Variants in PCDH15 observed in about 807,000 individuals in gnomAD.
PCDH15 encodes protocadherin-15.
Under a neutral mutation model 178.5 loss-of-function variants are expected in PCDH15, and 129 were observed. That is an observed-to-expected ratio of 0.72 (90% confidence interval 0.63 to 0.84). The LOEUF (loss-of-function observed/expected upper bound fraction) is 0.84, where lower values mean the gene tolerates loss of function less well. Ranked by LOEUF, PCDH15 falls within the 40% of genes least tolerant of loss-of-function variation. The pLI, the probability that PCDH15 is intolerant of heterozygous loss-of-function variation, is 0.00. For missense variants in PCDH15, 2,230 were observed against 2,099.9 expected, an observed-to-expected ratio of 1.06 and a Z score of -1.21; for synonymous variants, 800 against 732.0, an observed-to-expected ratio of 1.09 and a Z score of -1.50.
rs537344397 is a variant in PCDH15 at position 55,117,789 on chromosome 10, A to G, written c.-80+48787T>C. Reference sequence around the variant, plus strand: ...ACAGAAGAAGTCAAGAAACACCATTACAAGGTACCATAAGTTGCTCTACAG... The same window carrying G: ...ACAGAAGAAGTCAAGAAACACCATTGCAAGGTACCATAAGTTGCTCTACAG... On this transcript the variant is annotated intron_variant, in intron 2 of 5. Transcript: ENST00000458638. Among the ~76,000 whole-genome samples, 16 of 152,290 alleles carry G rather than the reference A, an allele frequency of 1.1e-4. 1 individual carries two copies. In the South Asian group the frequency reaches 3.1e-3, roughly 30 times the overall value.
At chr10:55,177,379 T>A (rs1839521548) in intron 1 of PCDH15, among the ~76,000 whole-genome samples, 1 of 152,116 alleles carries the variant, frequency 6.6e-6, no homozygotes, top group African/African-American at 2.4e-5. Context: ...AGTCTTCCCA[T>A]TGGGAAGCCG....
intron 2 of PCDH15, among the ~76,000 whole-genome samples, chr10:55,415,634 T>C (rs1322997057): frequency 2.0e-5 from 3 of 151,682 alleles, no homozygotes; most frequent in Admixed American, 6.6e-5. Flanking sequence ...ATTAAGGGTT[T>C]GGATACCAGG....
At chr10:54,790,971 A>C (rs568683194) in intron 1 of PCDH15, among the ~76,000 whole-genome samples, 1 of 152,000 alleles carries the variant, frequency 6.6e-6, no homozygotes, top group South Asian at 2.1e-4. Context: ...CTTGAGAGAA[A>C]AATATTAAGA....
chr10:55,497,184 C>T (rs143736228), intron 2 of PCDH15, among the ~76,000 whole-genome samples: 1 of 151,982 alleles, frequency 6.6e-6, no homozygotes, highest in East Asian at 1.9e-4. Context: ...GGCTGAAGTA[C>T]AGTGCTGCAA....
intron 2 of PCDH15, among the ~76,000 whole-genome samples, chr10:54,543,193 A>G (rs2085457869): frequency 6.6e-6 from 1 of 152,140 alleles, no homozygotes; most frequent in South Asian, 2.1e-4. Context: ...CCACTCAATA[A>G]AACTTTGCAG....
chr10:55,228,493 T>C (rs1267613418), intron 1 of PCDH15, among the ~76,000 whole-genome samples: 1 of 152,034 alleles, frequency 6.6e-6, no homozygotes, highest in East Asian at 1.9e-4. Flanking sequence ...TTAAACGAAA[T>C]AAAACCAAAG....
chr10:54,243,826 TA>T (rs1356887284), intron 8 of PCDH15, among the ~76,000 whole-genome samples: 1 of 152,194 alleles, frequency 6.6e-6, no homozygotes, highest in East Asian at 1.9e-4. Context: ...GAGATTATTT[TA>T]AAAAATAGTA....
intron 9 of PCDH15, among the ~76,000 whole-genome samples, chr10:54,230,794 ATATTT>A (rs1168919252): frequency 2.0e-5 from 3 of 152,128 alleles, no homozygotes; most frequent in African/African-American, 7.2e-5. Flanking sequence ...TAGCAATATT[ATATTT>A]ATGTTTTAGT....
At chr10:54,555,676 G>A (rs1379262995) in intron 2 of PCDH15, among the ~76,000 whole-genome samples, 2 of 144,554 alleles carry the variant, frequency 1.4e-5, no homozygotes, top group African/African-American at 2.6e-5. Flanking sequence ...GGCAGAGGTT[G>A]CATTGAACTG....
In PCDH15 at chr10:54,425,906, A is replaced by G. The variant is rs574716748; in HGVS notation, c.158-46964T>C. Reference sequence around the variant, plus strand: ...AGACATTTCAACTGAGAAGTCTAATAGCATTGGACCAGAATAGTCACAGCA... The same window carrying G: ...AGACATTTCAACTGAGAAGTCTAATGGCATTGGACCAGAATAGTCACAGCA... On this transcript the variant is annotated intron_variant, in intron 3 of 37. Transcript: ENST00000644397. Among the ~76,000 whole-genome samples the G allele has an allele frequency of 2.0e-5, 3 of 152,340 alleles. No individual in the cohort carries two copies. The East Asian group carries it at 5.8e-4, about 29-fold the overall frequency.
At chr10:54,666,185 A>C (rs56167426) in intron 1 of PCDH15, among the ~76,000 whole-genome samples, 132,979 of 152,076 alleles carry the variant, frequency 0.87, 58,803 homozygotes, top group Middle Eastern at 0.93. Context: ...AAAGCTTAAT[A>C]TAAAAGACTC....
intron 23 of PCDH15, among the ~76,000 whole-genome samples, chr10:53,946,801 G>A (rs571804286): frequency 1.3e-4 from 20 of 152,118 alleles, no homozygotes; most frequent in African/African-American, 3.6e-4. Flanking sequence ...TTGTTTAGAC[G>A]GAGTCTCGCT....
At chr10:54,761,360 C>CT (rs772676818) in intron 1 of PCDH15, among the ~76,000 whole-genome samples, 1 of 152,064 alleles carries the variant, frequency 6.6e-6, no homozygotes, top group African/African-American at 2.4e-5. Flanking sequence ...TGAAGCTAGG[C>CT]TATCAGGTTT....
intron 2 of PCDH15, among the ~76,000 whole-genome samples, chr10:55,382,024 T>C (rs1013780600): frequency 6.6e-6 from 1 of 152,172 alleles, no homozygotes; most frequent in Non-Finnish European, 1.5e-5. Context: ...TATATCCAGC[T>C]ACAGCTATAA....
At chr10:55,366,846 A>T (rs1160841551) in intron 2 of PCDH15, among the ~76,000 whole-genome samples, 1 of 151,994 alleles carries the variant, frequency 6.6e-6, no homozygotes, top group East Asian at 1.9e-4. Context: ...AATTTCTAAA[A>T]TGTATCTATT....
intron 1 of PCDH15, among the ~76,000 whole-genome samples, chr10:54,670,664 C>T (rs2094647266): frequency 6.6e-6 from 1 of 151,936 alleles, no homozygotes; most frequent in Non-Finnish European, 1.5e-5. Context: ...AATATAAATA[C>T]ACCAAAAATG....
chr10:55,072,395 A>G (rs1175467375), intron 2 of PCDH15, among the ~76,000 whole-genome samples: 1 of 152,208 alleles, frequency 6.6e-6, no homozygotes, highest in Non-Finnish European at 1.5e-5. Flanking sequence ...AATAGACGCA[A>G]TAAAAAATGA....
chr10:54,136,398 ATT>A (rs34653991), intron 14 of PCDH15, among the ~76,000 whole-genome samples: 3 of 145,672 alleles, frequency 2.1e-5, no homozygotes, highest in African/African-American at 2.5e-5. Context: ...ACTGTTTAAC[ATT>A]TTTTTTTTTT....
At chr10:54,911,532 C>T (rs377764346) in intron 2 of PCDH15, among the ~76,000 whole-genome samples, 16 of 152,262 alleles carry the variant, frequency 1.1e-4, no homozygotes, top group South Asian at 2.1e-4. Flanking sequence ...GAGAAACACA[C>T]ACTCAACTTT....
Sources: gnomAD v4.1 joint callset for allele counts (sites outside exome capture counted in the v4.1 genomes callset) on GRCh38, gnomAD v4.1.1 for gene constraint, MANE v1.5 for transcripts, NCBI Gene and HGNC (gene_info 2026-07-23, HGNC 2026-07-21) for gene names.